Variants in LYPLA1 observed in about 807,000 individuals in gnomAD.
LYPLA1 encodes the protein acyl-protein thioesterase 1.
LYPLA1 carries 17 observed loss-of-function variants against 34.0 expected under a neutral mutation model. The observed-to-expected ratio is 0.50, with a 90% CI of 0.34 to 0.75. LYPLA1 has a LOEUF of 0.75. LYPLA1 is among the 30% of genes least tolerant of loss of function. LYPLA1 has a pLI of 0.01. For synonymous variants in LYPLA1, 98 were observed against 100.8 expected, an observed-to-expected ratio of 0.97 and a Z score of 0.17; for missense variants, 203 against 288.8, an observed-to-expected ratio of 0.70 and a Z score of 2.15.
chr8:54,078,920 T>C (rs746826083), intron 2 of LYPLA1, among the ~76,000 whole-genome samples: 18 of 152,136 alleles, frequency 1.2e-4, no homozygotes, highest in Non-Finnish European at 2.6e-4. Context: ...AACACTTTAT[T>C]ACAAGCTATT....
At chr8:54,101,291 G>A in intron 1 of LYPLA1, 18 of 1,039,932 alleles carry the variant, frequency 1.7e-5, no homozygotes, top group African/African-American at 3.4e-5. Context: ...CAAGCTTCCG[G>A]AGGCAAAAAT....
chr8:54,064,479 T>C (rs1407950058), intron 3 of LYPLA1, among the ~76,000 whole-genome samples: 2 of 152,136 alleles, frequency 1.3e-5, no homozygotes, highest in African/African-American at 2.4e-5. Flanking sequence ...ATAGAGGACA[T>C]AGCAACCCTA....
chr8:54,060,513 G>A (rs372028421), intron 5 of LYPLA1, among the ~76,000 whole-genome samples: 52 of 152,178 alleles, frequency 3.4e-4, no homozygotes, highest in African/African-American at 1.2e-3. Flanking sequence ...TAATCATAAA[G>A]GAGATGGACT....
At chr8:54,095,893 G>A (rs1180248609) in intron 2 of LYPLA1, among the ~76,000 whole-genome samples, 7 of 151,958 alleles carry the variant, frequency 4.6e-5, no homozygotes, top group Admixed American at 4.6e-4. Flanking sequence ...AAAGTGTCAA[G>A]GTCATGAAAG....
Position 54,063,198 on chromosome 8 carries a change from AAT to A in LYPLA1, c.215+128_215+129del, listed in dbSNP as rs1365472519. 14 of 592,642 alleles carry A rather than the reference AAT, an allele frequency of 2.4e-5. No homozygotes were observed. In the African/African-American group the frequency reaches 2.7e-4, roughly 11 times the overall value. 36.7% of individuals were successfully genotyped at this position (592,642 alleles called of 1,614,324 possible). A position where few individuals can be genotyped will look rare whatever the true frequency, so the allele number is the denominator to read the frequency against. ...CCTAAATCCAGAGTATGAAAATGTA[AAT>A]AGAGGTTAACTATGCAACTTTGCAA... On this transcript the variant is annotated intron_variant, in intron 4 of 8. Coordinates refer to ENST00000316963, the MANE Select transcript of LYPLA1 (RefSeq NM_006330.4).
At chr8:54,093,180 CAAGT>C (rs1196684736) in intron 2 of LYPLA1, among the ~76,000 whole-genome samples, 4 of 152,272 alleles carry the variant, frequency 2.6e-5, no homozygotes, top group Non-Finnish European at 5.9e-5. Flanking sequence ...CAGAAAGAAG[CAAGT>C]GAGAGACCAT....
intron 2 of LYPLA1, among the ~76,000 whole-genome samples, chr8:54,066,960 A>G (rs1807112797): frequency 6.6e-6 from 1 of 152,086 alleles, no homozygotes; most frequent in African/African-American, 2.4e-5. Flanking sequence ...ACTTGAGTCC[A>G]GAGTTCGAGA....
At chr8:54,088,752 T>C (rs1050392385) in intron 2 of LYPLA1, among the ~76,000 whole-genome samples, 5 of 152,214 alleles carry the variant, frequency 3.3e-5, no homozygotes, top group South Asian at 2.1e-4. Context: ...TTTATGTGAA[T>C]TTTCTTAAGA....
At chr8:54,096,220 G>A (rs1809673020) in intron 2 of LYPLA1, among the ~76,000 whole-genome samples, 1 of 152,144 alleles carries the variant, frequency 6.6e-6, no homozygotes, top group Admixed American at 6.5e-5. Flanking sequence ...TGTTATTTCT[G>A]CAACTTTTAT....
chr8:54,052,478 T>C (rs975535875), intron 7 of LYPLA1, among the ~76,000 whole-genome samples, 177 bp downstream of exon 7: 1 of 152,104 alleles, frequency 6.6e-6, no homozygotes, highest in Admixed American at 6.6e-5. Context: ...TGTGCATGTG[T>C]GGGGACAGGA....
intron 5 of LYPLA1, among the ~76,000 whole-genome samples, chr8:54,058,463 G>C (rs1806359296): frequency 1.3e-5 from 2 of 152,148 alleles, no homozygotes; most frequent in African/African-American, 4.8e-5. Context: ...AGAATAACTT[G>C]AACCCAGGAG....
At chr8:54,048,497 T>C (rs1805624068) in intron 8 of LYPLA1, among the ~76,000 whole-genome samples, 1 of 152,186 alleles carries the variant, frequency 6.6e-6, no homozygotes, top group Non-Finnish European at 1.5e-5. Context: ...TCAAACTGAA[T>C]TATGCGCTAA....
At chr8:54,085,151 T>A (rs1483139778) in intron 2 of LYPLA1, among the ~76,000 whole-genome samples, 1 of 152,208 alleles carries the variant, frequency 6.6e-6, no homozygotes, top group Non-Finnish European at 1.5e-5. Context: ...CACGCCTGAC[T>A]GGTTTTTGTA....
chr8:54,080,443 A>G (rs1808227951), intron 2 of LYPLA1, among the ~76,000 whole-genome samples: 1 of 152,246 alleles, frequency 6.6e-6, no homozygotes, highest in South Asian at 2.1e-4. Context: ...ACATTACTAC[A>G]TATAATAAAA....
At chr8:54,078,853 G>A (rs1203672283) in intron 2 of LYPLA1, among the ~76,000 whole-genome samples, 1 of 151,312 alleles carries the variant, frequency 6.6e-6, no homozygotes, top group African/African-American at 2.4e-5. Context: ...ACATATTACA[G>A]GTCTATGCAA....
chr8:54,082,489 C>CT (rs1047358923), intron 2 of LYPLA1, among the ~76,000 whole-genome samples: 17 of 151,422 alleles, frequency 1.1e-4, no homozygotes, highest in African/African-American at 2.4e-4. Context: ...TTAGAATGTA[C>CT]TTTTTTTTTG....
intron 6 of LYPLA1, chr8:54,053,401 T>C (rs1805984221): frequency 6.3e-6 from 2 of 318,212 alleles, no homozygotes; most frequent in Non-Finnish European, 1.3e-5. Flanking sequence ...GCCCTTAAAT[T>C]GGTATTACTT....
intron 2 of LYPLA1, among the ~76,000 whole-genome samples, chr8:54,076,623 C>G (rs570367295): frequency 1.3e-5 from 2 of 152,152 alleles, no homozygotes; most frequent in African/African-American, 4.8e-5. Flanking sequence ...CTAATGCTCA[C>G]GCTGGAAGGT....
intron 2 of LYPLA1, among the ~76,000 whole-genome samples, chr8:54,081,385 T>C (rs1420752337): frequency 1.3e-5 from 2 of 151,846 alleles, no homozygotes; most frequent in East Asian, 1.9e-4. Context: ...TCTCGTCCAA[T>C]GAAAGAGCTC....
Sources: gnomAD v4.1 joint callset for allele counts (sites outside exome capture counted in the v4.1 genomes callset) on GRCh38, gnomAD v4.1.1 for gene constraint, MANE v1.5 for transcripts, NCBI Gene and HGNC (gene_info 2026-07-23, HGNC 2026-07-21) for gene names.